Variants in FKTN observed in about 807,000 individuals in gnomAD.
The protein encoded by FKTN is fukutin, also known as ribitol-5-phosphate transferase FKTN.
A neutral mutation model predicts 58.6 loss-of-function variants in FKTN; 47 were observed. That is an observed-to-expected ratio of 0.80 (90% CI 0.63 to 1.02). The LOEUF is 1.02. FKTN is among the 50% of genes least tolerant of loss of function. The probability of loss-of-function intolerance (pLI) is 0.00; values close to 1 mark genes in which losing one functional copy is unlikely to be tolerated. For synonymous variants in FKTN, 178 were observed against 191.9 expected (o/e 0.93, Z 0.60); for missense variants, 516 against 537.3 (o/e 0.96, Z 0.39).
Position 105,601,337 on chromosome 9 carries a change from T to G in FKTN, c.358T>G (p.Trp120Gly). The G allele has an allele frequency of 6.2e-7, 1 of 1,603,176 alleles. No homozygotes were observed. The highest frequency in any genetic ancestry group is 8.5e-7 in the Non-Finnish European group (1 of 1,173,216). The change falls in exon 5 of 11, where the codon TGG becomes GGG. Residue 120 changes from tryptophan to glycine, a missense_variant. By Grantham distance (184) the Trp-to-Gly change is radical. Transcript: ENST00000357998. ...TGCATTTGCACTGCAGTATCACCTA[T>G]GGAAGAATGAGGTAAGTGACTTGCT... is the stretch of plus-strand genomic sequence containing the variant. ...FTAFALQYHL[W>G]KNEEGWFRIA...
chr9:105,575,050 G>A lies in FKTN; in HGVS notation c.18G>A (p.Lys6=). The A allele has an allele frequency of 6.2e-7, 1 of 1,601,734 alleles. No homozygotes were observed. Among genetic ancestry groups the A allele is most frequent in the Non-Finnish European group, 8.6e-7 (1 of 1,168,812 alleles). The change falls in exon 3 of 11, where the codon AAG becomes AAA. Residue 6 remains lysine (K), a synonymous_variant. Transcript: ENST00000357998. ...ACAGACTAATGAGTAGAATCAATAA[G>A]AACGTGGTTTTGGCCCTTTTAACGC... MSRIN[K]NVVLALLTLT...
At chr9:105,579,204 T>C (rs1279721516) in intron 3 of FKTN, among the ~76,000 whole-genome samples, 5 of 152,122 alleles carry the variant, frequency 3.3e-5, no homozygotes, top group Non-Finnish European at 7.4e-5. Context: ...TTGCCTTCTG[T>C]TAGCTTTTGA....
rs199697041 is a variant in FKTN at position 105,615,338 on chromosome 9, C to T, written c.841C>T (p.Leu281=). The T allele has an allele frequency of 3.7e-6, 6 of 1,613,538 alleles. No individual in the cohort carries two copies. The highest frequency in any genetic ancestry group is 4.5e-5 in the East Asian group (2 of 44,880). The change falls in exon 8 of 11, where the codon CTG becomes TTG. Residue 281 remains leucine (L), a synonymous_variant. Coordinates refer to ENST00000357998, the MANE Select transcript of FKTN (RefSeq NM_001079802.2). ...CTTTCGGAAGAGTGCAAAGGAATTA[C>T]TGCAACTAGCAGCGAAAACATTAAA... ...VAFRKSAKEL[L]QLAAKTLNKL... is the part of the protein sequence containing the mutation.
At chr9:105,610,437 C>T (rs746287139) in intron 7 of FKTN, among the ~76,000 whole-genome samples, 29 of 152,012 alleles carry the variant, frequency 1.9e-4, no homozygotes, top group Non-Finnish European at 2.2e-4. Context: ...TCCATATTTG[C>T]GACTCCCTTT....
chr9:105,624,191 T>C (rs929203355), intron 10 of FKTN: 3 of 152,222 alleles, frequency 2.0e-5, no homozygotes, highest in Non-Finnish European at 4.4e-5. Context: ...TATATCATAC[T>C]GAGTGTTGCA....
intron 3 of FKTN, among the ~76,000 whole-genome samples, chr9:105,588,604 C>G (rs1490140758): frequency 1.3e-5 from 2 of 152,152 alleles, no homozygotes; most frequent in Non-Finnish European, 2.9e-5. Flanking sequence ...CATGTTACCT[C>G]TTTTTTCAAA....
intron 7 of FKTN, 109 bp from the exon 8 acceptor site, chr9:105,615,169 C>G: frequency 2.5e-6 from 3 of 1,196,138 alleles, no homozygotes; most frequent in Non-Finnish European, 3.7e-6. Context: ...CAGGCGTGAG[C>G]CACTGTGCCC....
intron 3 of FKTN, among the ~76,000 whole-genome samples, chr9:105,580,271 T>C (rs1056726792): frequency 6.6e-5 from 10 of 152,206 alleles, no homozygotes; most frequent in Non-Finnish European, 1.5e-4. Context: ...TCGACGGTCT[T>C]TACATTTTGG....
intron 1 of FKTN, among the ~76,000 whole-genome samples, chr9:105,560,643 A>G (rs1838123014): frequency 6.6e-6 from 1 of 152,220 alleles, no homozygotes; most frequent in South Asian, 2.1e-4. Context: ...TTACATATGT[A>G]CATACATTCA....
intron 7 of FKTN, among the ~76,000 whole-genome samples, chr9:105,614,156 CAGGT>C (rs1281532517): frequency 1.3e-5 from 2 of 152,184 alleles, no homozygotes; most frequent in African/African-American, 4.8e-5. Flanking sequence ...TTTTGTCCCA[CAGGT>C]AGCGAAGCAA....
At chr9:105,634,105 G>A (rs1564355188) in intron 10 of FKTN, among the ~76,000 whole-genome samples, 3 of 151,744 alleles carry the variant, frequency 2.0e-5, no homozygotes, top group African/African-American at 7.3e-5. Flanking sequence ...GGATCTTTAA[G>A]AAACATGTTT....
At position 105,587,999 on chromosome 9, in the gene FKTN, G is replaced by A. The variant is rs117191667; in HGVS notation, c.106-8599G>A. Reference sequence around the variant, plus strand: ...GATCCTTAGGTTTGCAAGCTTATAAGCAATTGAAAAAGACAGTTATTGAAG... The same window carrying A: ...GATCCTTAGGTTTGCAAGCTTATAAACAATTGAAAAAGACAGTTATTGAAG... On this transcript the variant is annotated intron_variant, in intron 3 of 10. Transcript: ENST00000357998. Among the ~76,000 whole-genome samples, 1,221 of 152,218 alleles carry A rather than the reference G, an allele frequency of 8.0e-3. 6 individuals are homozygous for A. Among genetic ancestry groups the A allele is most frequent in the Non-Finnish European group, 0.011 (725 of 68,018 alleles).
chr9:105,596,590 C>T lies in FKTN; in HGVS notation c.106-8C>T. ...ATTTACTAAAAAGTTCTTTTGTTGT[C>T]TTCCTAGAATGGAGCTGGTTTGTCA... is the stretch of plus-strand genomic sequence containing the variant. On this transcript the variant is annotated splice_region_variant and splice_polypyrimidine_tract_variant and intron_variant, in intron 3 of 10. Coordinates refer to ENST00000357998, the MANE Select transcript of FKTN (RefSeq NM_001079802.2). 6.2e-7 allele frequency: 1 copy of T among 1,608,440 alleles called. No homozygotes were observed. Among genetic ancestry groups the T allele is most frequent in the South Asian group, 1.1e-5 (1 of 90,962 alleles).
At chr9:105,608,062 C>A in intron 7 of FKTN, 111 bp downstream of exon 7, 1 of 872,712 alleles carries the variant, frequency 1.1e-6, no homozygotes, top group Non-Finnish European at 1.8e-6. Flanking sequence ...AAGTAAACAT[C>A]CTTTTTTGAT....
chr9:105,631,210 T>G (rs1279884529), intron 10 of FKTN, among the ~76,000 whole-genome samples: 3 of 152,140 alleles, frequency 2.0e-5, no homozygotes, highest in Admixed American at 6.6e-5. Flanking sequence ...AGCAATCATG[T>G]TTAATGATAA....
chr9:105,605,526 G>A (rs1828734361), intron 6 of FKTN, among the ~76,000 whole-genome samples: 1 of 152,028 alleles, frequency 6.6e-6, no homozygotes, highest in Non-Finnish European at 1.5e-5. Flanking sequence ...AGAAAATGTG[G>A]TACATACACA....
chr9:105,565,424 C>T (rs62011216), intron 1 of FKTN, among the ~76,000 whole-genome samples: 1 of 152,082 alleles, frequency 6.6e-6, no homozygotes, highest in African/African-American at 2.4e-5. Flanking sequence ...CAAAGACACA[C>T]ATAGGCTCAA....
intron 7 of FKTN, among the ~76,000 whole-genome samples, chr9:105,614,164 G>A (rs747896723): frequency 3.3e-5 from 5 of 152,290 alleles, no homozygotes; most frequent in Admixed American, 1.3e-4. Flanking sequence ...CACAGGTAGC[G>A]AAGCAACACT....
At chr9:105,582,300 C>G (rs969677318) in intron 3 of FKTN, among the ~76,000 whole-genome samples, 55 of 152,104 alleles carry the variant, frequency 3.6e-4, no homozygotes, top group African/African-American at 1.2e-3. Flanking sequence ...AAGCAGTACT[C>G]CTGCCTCAAT....
Sources: gnomAD v4.1 joint callset for allele counts (sites outside exome capture counted in the v4.1 genomes callset) on GRCh38, gnomAD v4.1.1 for gene constraint, MANE v1.5 for transcripts, NCBI Gene and HGNC (gene_info 2026-07-23, HGNC 2026-07-21) for gene names.